TRAPPC12: variants seen among roughly 807,000 people sequenced by gnomAD.
TRAPPC12 encodes trafficking protein particle complex subunit 12.
Under a neutral mutation model 69.2 loss-of-function variants are expected in TRAPPC12, and 61 were observed. The ratio of observed to expected loss-of-function variants is 0.88; its 90% CI spans 0.72 to 1.09. The LOEUF (loss-of-function observed/expected upper bound fraction) is 1.09, where lower values mean the gene tolerates loss of function less well. TRAPPC12 is among the 50% of genes least tolerant of loss of function. The probability of loss-of-function intolerance (pLI) is 0.00; values close to 1 mark genes in which losing one functional copy is unlikely to be tolerated. For missense variants in TRAPPC12, 1,101 were observed against 1,016.4 expected, an observed-to-expected ratio of 1.08 and a Z score of -1.13; for synonymous variants, 469 against 438.9, an observed-to-expected ratio of 1.07 and a Z score of -0.86.
rs10176868 is a variant in TRAPPC12, at chr2:3,379,891, C to T, written c.-5+15C>T. 61,888 of 152,408 alleles carry T rather than the reference C, an allele frequency of 0.41. 13,289 individuals carry two copies. The highest frequency in any genetic ancestry group is 0.49 in the Admixed American group (7,444 of 15,304). 9.4% of individuals were successfully genotyped at this position (152,408 alleles called of 1,614,324 possible). ...GCGGGTGGCAGGTGAGGATCAGGGC[C>T]TCGGCAGTCCAGAGGGGATGGGACC... is the stretch of plus-strand genomic sequence containing the variant. On this transcript the variant is annotated intron_variant, in intron 1 of 11. Transcript: ENST00000324266.
At chr2:3,399,689 T>C (rs778110255) in intron 2 of TRAPPC12, among the ~76,000 whole-genome samples, 4 of 152,204 alleles carry the variant, frequency 2.6e-5, no homozygotes, top group Non-Finnish European at 5.9e-5. Context: ...TCTGATTCTC[T>C]TGCTCTCATG....
chr2:3,436,714 T>A (rs923665818), intron 5 of TRAPPC12, among the ~76,000 whole-genome samples: 2 of 151,660 alleles, frequency 1.3e-5, no homozygotes, highest in Non-Finnish European at 2.9e-5. Flanking sequence ...CCCTGTGTAT[T>A]AATCCCCCCA....
At chr2:3,391,078 A>G (rs1220404414) in intron 2 of TRAPPC12, among the ~76,000 whole-genome samples, 2 of 152,230 alleles carry the variant, frequency 1.3e-5, no homozygotes, top group Non-Finnish European at 2.9e-5. Flanking sequence ...TTATAAATAT[A>G]TGTATACATA....
At chr2:3,478,769 A>G in intron 10 of TRAPPC12, 77 bp from the exon 11 acceptor site, 3 of 1,321,416 alleles carry the variant, frequency 2.3e-6, no homozygotes, top group Non-Finnish European at 2.2e-6. Context: ...GTGGGATCCA[A>G]AGCCCCTGTG....
rs79469634 is a variant in TRAPPC12, at chr2:3,409,996, C to T, written c.1164+8103C>T. On this transcript the variant is annotated intron_variant, in intron 3 of 11. Coordinates refer to ENST00000324266, the MANE Select transcript of TRAPPC12 (RefSeq NM_016030.6). ...AGGTCTGCCAGCGCCGAGCCCTCTG[C>T]GCCTCCACCTGGGAGATGCAGGTGG... 0.017 allele frequency among the ~76,000 whole-genome samples: 2,642 copies of T among 152,284 alleles called. 115 individuals are homozygous for T. The East Asian group carries it at 0.17, about 10-fold the overall frequency.
intron 8 of TRAPPC12, among the ~76,000 whole-genome samples, chr2:3,461,903 C>T (rs1665525984): frequency 6.6e-6 from 1 of 152,228 alleles, no homozygotes; most frequent in African/African-American, 2.4e-5. Flanking sequence ...CCCTCTGCCT[C>T]CCAAAACAGG....
chr2:3,465,935 C>G, intron 9 of TRAPPC12: 1 of 558,990 alleles, frequency 1.8e-6, no homozygotes, highest in Non-Finnish European at 3.2e-6. Flanking sequence ...GTCATCACAG[C>G]CACACTGAAA....
intron 1 of TRAPPC12, among the ~76,000 whole-genome samples, chr2:3,384,022 A>G (rs1197362633): frequency 6.6e-6 from 1 of 151,052 alleles, no homozygotes; most frequent in African/African-American, 2.4e-5. Context: ...CAGTATCCCA[A>G]GTAGCTGGGA....
chr2:3,419,042 G>T (rs1662616874), intron 3 of TRAPPC12, among the ~76,000 whole-genome samples: 1 of 152,108 alleles, frequency 6.6e-6, no homozygotes. Context: ...TCTGCTCCCT[G>T]TGCCCCCCAT....
At chr2:3,445,037 G>T (rs1247768697) in intron 6 of TRAPPC12, among the ~76,000 whole-genome samples, 7 of 152,136 alleles carry the variant, frequency 4.6e-5, no homozygotes, top group African/African-American at 1.4e-4. Context: ...CTAAATCAGT[G>T]ACTTTCTAAA....
chr2:3,421,048 A>C (rs1229779826), intron 3 of TRAPPC12, among the ~76,000 whole-genome samples: 1 of 152,254 alleles, frequency 6.6e-6, no homozygotes, highest in Non-Finnish European at 1.5e-5. Flanking sequence ...GGCAGGAGGT[A>C]CTTAAAGCAT....
intron 9 of TRAPPC12, among the ~76,000 whole-genome samples, chr2:3,468,397 C>T (rs979402714): frequency 2.0e-5 from 3 of 151,234 alleles, no homozygotes; most frequent in Non-Finnish European, 2.9e-5. Context: ...TGGCTCTGAG[C>T]AGTTTATCTC....
chr2:3,391,579 T>C (rs1339019362), intron 2 of TRAPPC12, among the ~76,000 whole-genome samples: 1 of 152,246 alleles, frequency 6.6e-6, no homozygotes, highest in Non-Finnish European at 1.5e-5. Context: ...ACTTATTGTG[T>C]GTTTACTCTT....
intron 10 of TRAPPC12, 43 bp downstream of exon 10, chr2:3,477,838 A>G (rs1436109174): frequency 7.0e-7 from 1 of 1,422,874 alleles, no homozygotes; most frequent in East Asian, 2.4e-5. Flanking sequence ...CAAATTTCCC[A>G]GAGGCGTTCA....
intron 2 of TRAPPC12, among the ~76,000 whole-genome samples, chr2:3,399,808 T>TCCCCCCCCCCCCCCCC (rs1413817941): frequency 3.7e-5 from 5 of 136,840 alleles, no homozygotes; most frequent in African/African-American, 5.6e-5. Flanking sequence ...TTTCCCCCGC[T>TCCCCCCCCCCCCCCCC]CCCCCCGCCA....
chr2:3,384,972 C>T (rs1178536778), intron 1 of TRAPPC12, among the ~76,000 whole-genome samples: 1 of 152,084 alleles, frequency 6.6e-6, no homozygotes, highest in African/African-American at 2.4e-5. Context: ...TTACTAGTGT[C>T]TGCTTTGCAT....
At chr2:3,392,239 A>T (rs1463742977) in intron 2 of TRAPPC12, among the ~76,000 whole-genome samples, 3 of 152,166 alleles carry the variant, frequency 2.0e-5, no homozygotes, top group African/African-American at 7.2e-5. Context: ...TGATGAGGAA[A>T]CAGATCCGAA....
intron 7 of TRAPPC12, chr2:3,458,311 C>G (rs1424232754): frequency 1.0e-6 from 1 of 986,520 alleles, no homozygotes; most frequent in African/African-American, 1.7e-5. Flanking sequence ...AGTGCTCCCT[C>G]CCAGGTAGCC....
At position 3,388,340 on chromosome 2, in the gene TRAPPC12, C is replaced by G; in HGVS notation, c.717C>G (p.Gly239=). The change falls in exon 2 of 12, where the codon GGC becomes GGG. Residue 239 remains glycine (G), a synonymous_variant. Transcript: ENST00000324266. ...TSAFISVSNP[G]AGSPAPASPP... is the part of the protein sequence containing the mutation. ...CCTTCATTTCCGTCAGCAATCCCGG[C>G]GCGGGCTCCCCGGCCCCCGCCAGCC... 2.5e-6 allele frequency: 4 copies of G among 1,590,728 alleles called. 1 individual carries two copies. Among genetic ancestry groups the G allele is most frequent in the Non-Finnish European group, 3.4e-6 (4 of 1,169,498 alleles).
Sources: allele counts gnomAD v4.1 joint callset (sites outside exome capture counted in the v4.1 genomes callset), GRCh38; gene constraint gnomAD v4.1.1; transcripts MANE v1.5; gene names NCBI Gene and HGNC (gene_info 2026-07-23, HGNC 2026-07-21).